SUGCT: variants seen among roughly 807,000 people sequenced by gnomAD.
SUGCT encodes the protein succinyl-CoA:glutarate CoA-transferase.
A neutral mutation model predicts 55.0 loss-of-function variants in SUGCT; 41 were observed. The observed-to-expected ratio is 0.74, with a 90% CI of 0.58 to 0.97. The LOEUF is 0.97. Among genes scored for constraint, SUGCT ranks in the 50% least tolerant of loss-of-function variants. The probability of loss-of-function intolerance (pLI) is 0.00; values close to 1 mark genes in which losing one functional copy is unlikely to be tolerated. For missense variants in SUGCT, 568 were observed against 547.8 expected (o/e 1.04, Z -0.37); for synonymous variants, 187 against 200.4 (o/e 0.93, Z 0.56).
At chr7:40,935,471 G>A in the SUGCT span, among the ~76,000 whole-genome samples, 71,019 of 151,956 alleles carry the variant, frequency 0.47, 17,049 homozygotes, top group Admixed American at 0.54. Context: ...GGCTTTGCCT[G>A]TTCTGGCTAT....
chr7:40,499,965 A>T (rs1055566092), intron 12 of SUGCT, among the ~76,000 whole-genome samples: 27 of 152,294 alleles, frequency 1.8e-4, no homozygotes, highest in Admixed American at 6.5e-4. Context: ...TTAAAAGAAA[A>T]TACAGCTTTT....
At chr7:40,654,495 T>A (rs1171800605) in intron 12 of SUGCT, among the ~76,000 whole-genome samples, 3 of 152,232 alleles carry the variant, frequency 2.0e-5, no homozygotes. Context: ...AGGCCTGTGC[T>A]TGGCTTTTTA....
chr7:40,475,104 C>G (rs1790591523), intron 11 of SUGCT, among the ~76,000 whole-genome samples: 1 of 152,154 alleles, frequency 6.6e-6, no homozygotes, highest in Non-Finnish European at 1.5e-5. Flanking sequence ...TAAACAAAAC[C>G]TTAGCAGTTC....
At chr7:40,474,746 G>T (rs937425480) in intron 11 of SUGCT, among the ~76,000 whole-genome samples, 3 of 152,114 alleles carry the variant, frequency 2.0e-5, no homozygotes, top group Middle Eastern at 3.2e-3. Flanking sequence ...GAATCAAACT[G>T]CTCAGCTTTC....
chr7:40,740,397 TTTTTA>T (rs1379439868), intron 12 of SUGCT, among the ~76,000 whole-genome samples: 2 of 151,252 alleles, frequency 1.3e-5, no homozygotes, highest in Non-Finnish European at 3.0e-5. Context: ...GTTCCTTTTA[TTTTTA>T]TTTTATTTAT....
intron 12 of SUGCT, among the ~76,000 whole-genome samples, chr7:40,593,745 A>G (rs1423704407): frequency 6.6e-6 from 1 of 152,146 alleles, no homozygotes; most frequent in Non-Finnish European, 1.5e-5. Flanking sequence ...AGGCTGAGGC[A>G]GGAGAATCAC....
chr7:40,737,972 C>T (rs962071757), intron 12 of SUGCT, among the ~76,000 whole-genome samples: 34 of 151,426 alleles, frequency 2.2e-4, no homozygotes, highest in African/African-American at 8.3e-4. Context: ...TGCCTATAAT[C>T]GCGCAGATCA....
chr7:40,437,560 T>C lies in SUGCT; in HGVS notation c.817-11727T>C, dbSNP rs571926136. Among the ~76,000 whole-genome samples, 5 of 152,296 alleles carry C rather than the reference T, an allele frequency of 3.3e-5. No homozygotes were observed. In the East Asian group the frequency reaches 9.6e-4, roughly 29 times the overall value. ...GGCTCATCTACCATTTGTGGCATTG[T>C]TCCATCCATAGATGACACTGTTCTT... On this transcript the variant is annotated intron_variant, in intron 9 of 13. Coordinates refer to ENST00000335693, the MANE Select transcript of SUGCT (RefSeq NM_001193313.2).
At chr7:40,223,129 C>T (rs1190728751) in intron 6 of SUGCT, among the ~76,000 whole-genome samples, 3 of 151,658 alleles carry the variant, frequency 2.0e-5, no homozygotes, top group African/African-American at 7.3e-5. Flanking sequence ...GGCATGATCT[C>T]GGCTCACCGC....
At chr7:40,994,147 G>A in the SUGCT span, among the ~76,000 whole-genome samples, 1 of 152,112 alleles carries the variant, frequency 6.6e-6, no homozygotes, top group South Asian at 2.1e-4. Flanking sequence ...GTGGTCACCT[G>A]TGTCCCCAAG....
chr7:40,823,524 T>C (rs1792139133), intron 13 of SUGCT, among the ~76,000 whole-genome samples: 1 of 152,172 alleles, frequency 6.6e-6, no homozygotes, highest in Admixed American at 6.5e-5. Flanking sequence ...AAATGCAATT[T>C]CTACTACCAT....
At chr7:40,618,471 A>T (rs952148816) in intron 12 of SUGCT, among the ~76,000 whole-genome samples, 14 of 152,216 alleles carry the variant, frequency 9.2e-5, no homozygotes, top group Admixed American at 7.9e-4. Flanking sequence ...ATTGCACATG[A>T]CCAAGTAACT....
downstream of SUGCT, among the ~76,000 whole-genome samples, chr7:40,864,540 C>A (rs1794547860): frequency 6.6e-6 from 1 of 152,142 alleles, no homozygotes; most frequent in Non-Finnish European, 1.5e-5. Flanking sequence ...CACTAGACAT[C>A]TTTACCCCAA....
intron 12 of SUGCT, among the ~76,000 whole-genome samples, chr7:40,594,322 TAA>T (rs59560745): frequency 5.6e-4 from 56 of 100,170 alleles, no homozygotes; most frequent in Admixed American, 3.3e-3. Flanking sequence ...ACTTAAAGTA[TAA>T]AAAAAAAAAA....
intron 13 of SUGCT, among the ~76,000 whole-genome samples, chr7:40,821,091 A>T (rs976405098): frequency 6.6e-5 from 10 of 152,058 alleles, no homozygotes; most frequent in Admixed American, 1.3e-4. Context: ...TGTTGAGCCA[A>T]CCTTGCATCC....
chr7:40,742,299 CAA>C (rs1787504050), intron 12 of SUGCT, among the ~76,000 whole-genome samples: 1 of 152,018 alleles, frequency 6.6e-6, no homozygotes, highest in Middle Eastern at 3.4e-3. Flanking sequence ...AGTAAGATAA[CAA>C]AAAAAGTCAG....
chr7:40,862,731 GTTT>G (rs200059575), downstream of SUGCT, among the ~76,000 whole-genome samples: 8 of 134,326 alleles, frequency 6.0e-5, no homozygotes, highest in Admixed American at 2.9e-4. Flanking sequence ...TCTTTTTCTT[GTTT>G]TTTTTTTTTT....
At chr7:40,338,443 G>T (rs181829886) in intron 9 of SUGCT, among the ~76,000 whole-genome samples, 1 of 152,016 alleles carries the variant, frequency 6.6e-6, no homozygotes, top group East Asian at 1.9e-4. Flanking sequence ...GGCTTTGTTC[G>T]TCTCTTTATA....
chr7:40,147,750 G>A lies in SUGCT; in HGVS notation c.100+12630G>A, dbSNP rs1211074552. ...CCCCTGAGGCCGCCACAAGGGGGCG[G>A]GGCGGACCTCCTCATGAGAGAGAAC... On this transcript the variant is annotated intron_variant, in intron 1 of 13. Transcript: ENST00000335693. 4.6e-5 allele frequency among the ~76,000 whole-genome samples: 7 copies of A among 152,316 alleles called. No homozygotes were observed. In the South Asian group the frequency reaches 1.4e-3, roughly 32 times the overall value.
Sources: gnomAD v4.1 joint callset for allele counts (sites outside exome capture counted in the v4.1 genomes callset) on GRCh38, gnomAD v4.1.1 for gene constraint, MANE v1.5 for transcripts, NCBI Gene and HGNC (gene_info 2026-07-23, HGNC 2026-07-21) for gene names.